The following ANKRD44 variants were observed in gnomAD, a reference collection of about 807,000 sequenced individuals.
ANKRD44 encodes the protein ankyrin repeat domain 44.
ANKRD44 carries 35 observed loss-of-function variants against 116.0 expected under a neutral mutation model. The observed-to-expected ratio is 0.30, with a 90% confidence interval of 0.23 to 0.40. ANKRD44 has a LOEUF of 0.40. Among genes scored for constraint, ANKRD44 ranks in the 10% least tolerant of loss-of-function variants. ANKRD44 has a pLI of 1.00. For missense variants in ANKRD44, 1,014 were observed against 1,242.6 expected (o/e 0.82, Z 2.77); for synonymous variants, 435 against 461.8 (o/e 0.94, Z 0.74).
chr2:197,058,511 TAAG>T (rs1468852822), intron 16 of ANKRD44, among the ~76,000 whole-genome samples: 3 of 152,118 alleles, frequency 2.0e-5, no homozygotes, highest in African/African-American at 7.2e-5. Flanking sequence ...TAGATAAGTT[TAAG>T]AAGATCAGAA....
intron 9 of ANKRD44, among the ~76,000 whole-genome samples, chr2:197,103,050 A>G (rs532370981): frequency 6.6e-6 from 1 of 152,156 alleles, no homozygotes; most frequent in East Asian, 1.9e-4. Context: ...AAACACGGTG[A>G]AACCCCATCT....
chr2:197,133,208 G>C (rs2125374260), intron 4 of ANKRD44, among the ~76,000 whole-genome samples: 1 of 152,242 alleles, frequency 6.6e-6, no homozygotes, highest in South Asian at 2.1e-4. Flanking sequence ...TCCAATTCTT[G>C]GGCCAGGTGC....
intron 9 of ANKRD44, 105 bp downstream of exon 9, chr2:197,110,661 T>C (rs779303796): frequency 1.8e-4 from 169 of 925,584 alleles, no homozygotes; most frequent in Non-Finnish European, 2.5e-4. Flanking sequence ...GCATGCTTAC[T>C]AAAACTCCAA....
At chr2:197,111,534 G>C (rs1052948933) in intron 8 of ANKRD44, among the ~76,000 whole-genome samples, 1 of 151,974 alleles carries the variant, frequency 6.6e-6, no homozygotes, top group Non-Finnish European at 1.5e-5. Context: ...AGCTACTGGG[G>C]ATGCTAAGGT....
At chr2:196,999,442 T>C (rs565114350) in intron 23 of ANKRD44, among the ~76,000 whole-genome samples, 56 of 152,356 alleles carry the variant, frequency 3.7e-4, no homozygotes, top group African/African-American at 1.2e-3. Flanking sequence ...TTTGGTTGCT[T>C]AATTTCTTTT....
chr2:197,025,649 A>T (rs1163938631), intron 16 of ANKRD44, among the ~76,000 whole-genome samples: 2 of 152,246 alleles, frequency 1.3e-5, no homozygotes. Flanking sequence ...ATAAATAAAT[A>T]TAAAAATAAG....
intron 1 of ANKRD44, among the ~76,000 whole-genome samples, chr2:197,191,853 T>TGAG (rs2080831712): frequency 6.6e-6 from 1 of 152,204 alleles, no homozygotes; most frequent in Admixed American, 6.5e-5. Flanking sequence ...TATTGATCCC[T>TGAG]GAGGATCCAG....
chr2:197,143,600 T>C (rs1477962752), intron 3 of ANKRD44, among the ~76,000 whole-genome samples: 2 of 151,902 alleles, frequency 1.3e-5, no homozygotes, highest in African/African-American at 2.4e-5. Context: ...CAGTCTATCA[T>C]TGTTGGACAT....
intron 21 of ANKRD44, among the ~76,000 whole-genome samples, chr2:197,003,492 C>G (rs568561738): frequency 3.3e-4 from 50 of 152,230 alleles, no homozygotes; most frequent in South Asian, 1.9e-3. Context: ...AGAGTCTGTA[C>G]AGGTAGGACT....
At chr2:197,288,793 A>C (rs1209189602) in intron 1 of ANKRD44, among the ~76,000 whole-genome samples, 3 of 152,198 alleles carry the variant, frequency 2.0e-5, no homozygotes, top group African/African-American at 7.2e-5. Context: ...AAAATAAGCC[A>C]GGCACAGAAA....
At chr2:197,166,238 G>C (rs1047853949) in intron 2 of ANKRD44, among the ~76,000 whole-genome samples, 5 of 152,172 alleles carry the variant, frequency 3.3e-5, no homozygotes, top group Non-Finnish European at 5.9e-5. Context: ...TGGCAAGCAG[G>C]ATCTGTACTT....
At chr2:197,007,761 T>G (rs764573920) in intron 20 of ANKRD44, 45 bp downstream of exon 20, 13 of 1,224,120 alleles carry the variant, frequency 1.1e-5, no homozygotes, top group Non-Finnish European at 1.4e-5. Flanking sequence ...GAAAACAAGC[T>G]CATTAAAAAA....
intron 1 of ANKRD44, among the ~76,000 whole-genome samples, chr2:197,291,399 A>T (rs1000003559): frequency 6.6e-6 from 1 of 152,106 alleles, no homozygotes; most frequent in Admixed American, 6.5e-5. Context: ...AATTCCAGCT[A>T]CTTGGGAGGC....
At chr2:197,080,685 C>T (rs113144693) in intron 15 of ANKRD44, among the ~76,000 whole-genome samples, 4 of 152,308 alleles carry the variant, frequency 2.6e-5, no homozygotes, top group African/African-American at 9.6e-5. Flanking sequence ...GAAGTTAGGT[C>T]CCACAACCTG....
downstream of ANKRD44, among the ~76,000 whole-genome samples, chr2:196,983,650 A>G (rs1440249199): frequency 6.6e-6 from 1 of 152,260 alleles, no homozygotes; most frequent in East Asian, 1.9e-4. Flanking sequence ...GTACTGCTTC[A>G]GTATTTTTAC....
intron 1 of ANKRD44, among the ~76,000 whole-genome samples, chr2:197,308,920 C>T (rs1203745966): frequency 6.6e-6 from 1 of 152,190 alleles, no homozygotes; most frequent in Non-Finnish European, 1.5e-5. Context: ...GAGCTAGTCC[C>T]AGTCCTGCAG....
intron 8 of ANKRD44, among the ~76,000 whole-genome samples, chr2:197,117,934 A>G (rs2078751900): frequency 6.6e-6 from 1 of 152,144 alleles, no homozygotes; most frequent in African/African-American, 2.4e-5. Context: ...ATGCTCTGCC[A>G]GGTGCAGTGG....
intron 2 of ANKRD44, among the ~76,000 whole-genome samples, chr2:197,159,894 C>T (rs73991225): frequency 6.6e-6 from 1 of 152,154 alleles, no homozygotes; most frequent in African/African-American, 2.4e-5. Flanking sequence ...GCTCTCTCAA[C>T]ACCACTAGGT....
At chr2:197,003,225 C>T (rs1020967082) in intron 21 of ANKRD44, among the ~76,000 whole-genome samples, 3 of 151,732 alleles carry the variant, frequency 2.0e-5, no homozygotes, top group African/African-American at 7.3e-5. Flanking sequence ...GCAGGAGAAT[C>T]GCTTGAACCC....
Sources: gnomAD v4.1 joint callset for allele counts (sites outside exome capture counted in the v4.1 genomes callset) on GRCh38, gnomAD v4.1.1 for gene constraint, MANE v1.5 for transcripts, NCBI Gene and HGNC (gene_info 2026-07-23, HGNC 2026-07-21) for gene names.